EML1: variants seen among roughly 807,000 people sequenced by gnomAD.
EML1 encodes the protein echinoderm microtubule-associated protein-like 1.
Under a neutral mutation model 110.4 loss-of-function variants are expected in EML1, and 27 were observed. The observed-to-expected ratio is 0.24, with a 90% confidence interval of 0.18 to 0.34. The LOEUF (loss-of-function observed/expected upper bound fraction) is 0.34. Ranked by LOEUF, EML1 falls within the 10% of genes least tolerant of loss-of-function variation. EML1 has a pLI of 1.00. For missense variants in EML1, 741 were observed against 1,030.9 expected, an observed-to-expected ratio of 0.72 and a Z score of 3.85; for synonymous variants, 344 against 385.8, an observed-to-expected ratio of 0.89 and a Z score of 1.27.
chr14:99,752,681 T>C (rs2057190605), intron 1 of EML1, among the ~76,000 whole-genome samples: 1 of 152,144 alleles, frequency 6.6e-6, no homozygotes, highest in East Asian at 1.9e-4. Context: ...CCCTGACCCT[T>C]GGTAGCTGGT....
At chr14:99,819,407 A>G (rs1420590281) in intron 1 of EML1, among the ~76,000 whole-genome samples, 3 of 152,230 alleles carry the variant, frequency 2.0e-5, no homozygotes, top group Admixed American at 1.3e-4. Flanking sequence ...TTTTCCCACC[A>G]GAACATTTTT....
At chr14:99,774,326 C>A (rs758600433) in intron 1 of EML1, among the ~76,000 whole-genome samples, 3 of 152,196 alleles carry the variant, frequency 2.0e-5, no homozygotes, top group Non-Finnish European at 4.4e-5. Flanking sequence ...CATCCACGCT[C>A]CTCACCACAT....
chr14:99,865,952 T>C (rs963970318), intron 3 of EML1, among the ~76,000 whole-genome samples: 3 of 152,234 alleles, frequency 2.0e-5, no homozygotes, highest in Non-Finnish European at 4.4e-5. Context: ...AATAAATAGC[T>C]GTTCCCAAGT....
intron 6 of EML1, among the ~76,000 whole-genome samples, chr14:99,896,406 G>A (rs1480804567): frequency 6.6e-6 from 1 of 151,586 alleles, no homozygotes; most frequent in South Asian, 2.1e-4. Context: ...ACCTGCACCT[G>A]TTTTGGAATC....
rs548928392 is a variant in EML1, at chr14:99,852,648, A to G, written c.250+1613A>G. On this transcript the variant is annotated intron_variant, in intron 2 of 21. Transcript: ENST00000262233. ...AGGAATACCTTTCATTGTTATTTCA[A>G]TTTAACAAATTATTTCACAGTTAAT... is the stretch of plus-strand genomic sequence containing the variant. Among the ~76,000 whole-genome samples the G allele has an allele frequency of 3.3e-5, 5 of 152,360 alleles. No homozygotes were observed. In the East Asian group the frequency reaches 5.8e-4, roughly 18 times the overall value.
intron 1 of EML1, among the ~76,000 whole-genome samples, chr14:99,804,229 T>TA (rs1366381908): frequency 5.3e-5 from 8 of 152,228 alleles, no homozygotes; most frequent in Non-Finnish European, 1.2e-4. Context: ...AATTATATCT[T>TA]ACGCCACGGA....
rs185069662 is a variant in EML1, at chr14:99,867,592, G to T, written c.383+1946G>T. ...ATCCTTTTTGATGCTTCAGTAAATA[G>T]AATTAATTTCTTAACTTCCTTTTCA... On this transcript the variant is annotated intron_variant, in intron 3 of 21. Transcript: ENST00000262233. 1.7e-3 allele frequency among the ~76,000 whole-genome samples: 265 copies of T among 152,192 alleles called. 1 individual carries two copies. The highest frequency in any genetic ancestry group is 6.1e-3 in the African/African-American group (254 of 41,528).
intron 1 of EML1, among the ~76,000 whole-genome samples, chr14:99,754,879 G>A (rs1002233494): frequency 6.6e-6 from 1 of 152,170 alleles, no homozygotes; most frequent in Non-Finnish European, 1.5e-5. Context: ...TGCCTCCCCC[G>A]CCCCATGATC....
At chr14:99,794,700 T>C (rs1361806533) in intron 1 of EML1, among the ~76,000 whole-genome samples, 1 of 152,210 alleles carries the variant, frequency 6.6e-6, no homozygotes, top group Non-Finnish European at 1.5e-5. Context: ...TTTGTGGGCC[T>C]TCATGAATTT....
At chr14:99,934,466 C>G (rs1302947589) in intron 17 of EML1, among the ~76,000 whole-genome samples, 1 of 152,270 alleles carries the variant, frequency 6.6e-6, no homozygotes, top group African/African-American at 2.4e-5. Context: ...CCAGGCCACC[C>G]TGGGTCCTGC....
At chr14:99,854,015 T>TA (rs1480328768) in intron 2 of EML1, among the ~76,000 whole-genome samples, 1 of 152,194 alleles carries the variant, frequency 6.6e-6, no homozygotes, top group Non-Finnish European at 1.5e-5. Context: ...CCCCCACAGT[T>TA]AGTTTTTTAA....
intron 1 of EML1, among the ~76,000 whole-genome samples, chr14:99,746,823 C>T (rs939843624): frequency 1.3e-5 from 2 of 152,184 alleles, no homozygotes; most frequent in African/African-American, 4.8e-5. Context: ...GTCCCCACCC[C>T]TCGAGCAGGG....
At chr14:99,776,704 A>G (rs2057486849) in intron 1 of EML1, among the ~76,000 whole-genome samples, 1 of 152,182 alleles carries the variant, frequency 6.6e-6, no homozygotes, top group Non-Finnish European at 1.5e-5. Flanking sequence ...CACGAGTAAT[A>G]TTGGCCGTAA....
chr14:99,798,613 A>T lies in EML1; in HGVS notation c.67+5070A>T, dbSNP rs551252509. On this transcript the variant is annotated intron_variant, in intron 1 of 21. Coordinates refer to ENST00000262233, the MANE Select transcript of EML1 (RefSeq NM_004434.3). ...CACCATGTTGGCCAGGCTGGTCTCG[A>T]AGTCATGACCTCAGGTGATCTACCC... is the stretch of plus-strand genomic sequence containing the variant. Among the ~76,000 whole-genome samples, 3 of 152,186 alleles carry T rather than the reference A, an allele frequency of 2.0e-5. No homozygotes were observed. The East Asian group carries it at 5.8e-4, about 29-fold the overall frequency.
chr14:99,876,953 G>A (rs1273364659), intron 3 of EML1, among the ~76,000 whole-genome samples: 2 of 152,202 alleles, frequency 1.3e-5, no homozygotes, highest in Non-Finnish European at 2.9e-5. Context: ...CTCAAGAAAT[G>A]CGTGGACTAA....
chr14:99,816,458 C>T (rs2058169617), intron 1 of EML1, among the ~76,000 whole-genome samples: 1 of 152,246 alleles, frequency 6.6e-6, no homozygotes, highest in Admixed American at 6.5e-5. Context: ...CCACCGCACC[C>T]AGCCCATGTT....
chr14:99,874,732 T>TAA (rs1472924552), intron 3 of EML1, among the ~76,000 whole-genome samples: 2 of 152,252 alleles, frequency 1.3e-5, no homozygotes, highest in Non-Finnish European at 2.9e-5. Context: ...TTTAACATTT[T>TAA]AATGCAAATA....
chr14:99,793,830 G>GC (rs901630950), intron 1 of EML1, among the ~76,000 whole-genome samples: 2 of 150,352 alleles, frequency 1.3e-5, no homozygotes, highest in African/African-American at 4.8e-5. Context: ...GCGCGCCCGG[G>GC]CGGAGGCGCG....
At chr14:99,744,893 C>G (rs957700929) in intron 1 of EML1, among the ~76,000 whole-genome samples, 1 of 152,180 alleles carries the variant, frequency 6.6e-6, no homozygotes, top group Non-Finnish European at 1.5e-5. Context: ...TCAGTGTAAT[C>G]CACAGATCCG....
Sources: gnomAD v4.1 joint callset for allele counts (sites outside exome capture counted in the v4.1 genomes callset) on GRCh38, gnomAD v4.1.1 for gene constraint, MANE v1.5 for transcripts, NCBI Gene and HGNC (gene_info 2026-07-23, HGNC 2026-07-21) for gene names.